Variants in CDC42 observed in about 807,000 individuals in gnomAD.
CDC42 encodes cell division cycle 42.
CDC42 carries 1 observed loss-of-function variant against 20.8 expected under a neutral mutation model. The observed-to-expected ratio is 0.05, with a 90% CI of 0.02 to 0.23. The LOEUF is 0.23. CDC42 is among the 10% of genes least tolerant of loss of function. The pLI, the probability that CDC42 is intolerant of heterozygous loss-of-function variation, is 1.00. For missense variants in CDC42, 49 were observed against 227.9 expected (o/e 0.21, Z 5.05); for synonymous variants, 72 against 84.8 (o/e 0.85, Z 0.83).
intron 1 of CDC42, among the ~76,000 whole-genome samples, chr1:22,065,615 T>C (rs1645414072): frequency 6.6e-6 from 1 of 152,222 alleles, no homozygotes; most frequent in Non-Finnish European, 1.5e-5. Flanking sequence ...ATACATTACC[T>C]CATTTCTCTG....
intron 1 of CDC42, among the ~76,000 whole-genome samples, chr1:22,067,536 G>C (rs1299272001): frequency 3.3e-5 from 5 of 152,090 alleles, no homozygotes; most frequent in Admixed American, 2.6e-4. Flanking sequence ...GTGGAGACAG[G>C]GTTTCACCAA....
At chr1:22,065,660 C>T (rs954482164) in intron 1 of CDC42, among the ~76,000 whole-genome samples, 3 of 151,024 alleles carry the variant, frequency 2.0e-5, no homozygotes, top group East Asian at 1.9e-4. Context: ...AATTTGTAGA[C>T]GAGAAAGTTA....
At chr1:22,086,407 T>A in intron 3 of CDC42, 32 bp from the exon 4 acceptor site, 2 of 1,459,186 alleles carry the variant, frequency 1.4e-6, no homozygotes, top group Non-Finnish European at 1.9e-6. Flanking sequence ...ATTCAGTTGC[T>A]GAATTCTCTC....
chr1:22,061,685 A>C (rs1443782699), intron 1 of CDC42, among the ~76,000 whole-genome samples: 1 of 148,830 alleles, frequency 6.7e-6, no homozygotes, highest in Non-Finnish European at 1.5e-5. Context: ...CTGGGATTAC[A>C]GGTGCCCGCC....
intron 3 of CDC42, among the ~76,000 whole-genome samples, chr1:22,084,335 G>GTTTTTTTTTTTTTTTTTTTT (rs61584354): frequency 1.2e-4 from 10 of 80,692 alleles, no homozygotes; most frequent in Admixed American, 1.6e-4. Flanking sequence ...CTTATTTCCT[G>GTTTTTTTTTTTTTTTTTTTT]TTTTTTTTTT....
At position 22,097,873 on chromosome 1, in the gene CDC42, C is replaced by T. The variant is rs968336422; in HGVS notation, c.*6356C>T. On this transcript the variant is annotated 3_prime_UTR_variant, in exon 6 of 6. Transcript: ENST00000656825. ...CCTGATTTTAATGCAGTGTCATAGT[C>T]TCATAGGTGATTTCCCCAAAAGCAA... 6.6e-6 allele frequency among the ~76,000 whole-genome samples: 1 copy of T among 152,220 alleles called. No homozygotes were observed. The highest frequency in any genetic ancestry group is 2.1e-4 in the South Asian group (1 of 4,830).
rs35437576 is a variant in CDC42, at chr1:22,055,867, G to GTTTTT, written c.-51+3140_-51+3144dup. On this transcript the variant is annotated intron_variant, in intron 1 of 5. Transcript: ENST00000656825. ...AAATGCACTTCTCTATTGTTTTAGA[G>GTTTTT]TTTTTTTTTTTTTTTTTTTGAGAGG... Among the ~76,000 whole-genome samples the GTTTTT allele has an allele frequency of 9.5e-5, 12 of 126,652 alleles. 1 individual carries two copies. Among genetic ancestry groups the GTTTTT allele is most frequent in the African/African-American group, 3.7e-4 (12 of 32,720 alleles). The allele number at this position is 126,652 out of a possible 152,430, so 83.1% of individuals were successfully genotyped here.
intron 1 of CDC42, 156 bp downstream of exon 1, chr1:22,052,898 G>A (rs1042814897): frequency 2.0e-5 from 3 of 152,248 alleles, no homozygotes; most frequent in Non-Finnish European, 2.9e-5. Context: ...CTCGCGCTGC[G>A]TCCTCCGGGC....
chr1:22,089,819 G>A (rs758080620), intron 5 of CDC42: 12 of 936,416 alleles, frequency 1.3e-5, no homozygotes, highest in South Asian at 8.4e-5. Context: ...GCATTCTAGC[G>A]TTTTTCTTAA....
intron 5 of CDC42, 82 bp downstream of exon 5, chr1:22,086,948 G>C (rs1194318192): frequency 8.9e-7 from 1 of 1,119,302 alleles, no homozygotes; most frequent in Non-Finnish European, 1.4e-6. Context: ...ATTTCTAACA[G>C]TGATCAGCAG....
Position 22,097,575 on chromosome 1 carries a change from T to C in CDC42, c.*6058T>C, listed in dbSNP as rs965892855. Reference sequence around the variant, plus strand: ...GTATTCTTAAGTCCGCCTTTCAAAGTTGAGTACTGCATTCTTGCGGCTCTA... The same window carrying C: ...GTATTCTTAAGTCCGCCTTTCAAAGCTGAGTACTGCATTCTTGCGGCTCTA... On this transcript the variant is annotated 3_prime_UTR_variant, in exon 6 of 6. Coordinates refer to ENST00000656825, the MANE Select transcript of CDC42 (RefSeq NM_001791.4). Among the ~76,000 whole-genome samples the C allele has an allele frequency of 2.0e-5, 3 of 152,238 alleles. No homozygotes were observed. Among genetic ancestry groups the C allele is most frequent in the African/African-American group, 4.8e-5 (2 of 41,464 alleles).
rs74059864 is a variant in CDC42, at chr1:22,091,786, T to C, written c.*269T>C. The C allele has an allele frequency of 0.021, 1,603 of 76,486 alleles. 41 individuals carry two copies. Among genetic ancestry groups the C allele is most frequent in the African/African-American group, 0.12 (1,490 of 12,324 alleles). 4.7% of individuals were successfully genotyped at this position (76,486 alleles called of 1,614,324 possible). ...TTGTTTCAAAAAAAAAATTTTTGTG[T>C]GTGTGTGTTTTTTTTTTTTTTTTTT... On this transcript the variant is annotated 3_prime_UTR_variant, in exon 6 of 6. Transcript: ENST00000656825.
rs1031498026 is a variant in CDC42 at position 22,098,255 on chromosome 1, A to G, written c.*6738A>G. Among the ~76,000 whole-genome samples the G allele has an allele frequency of 6.6e-6, 1 of 152,068 alleles. No homozygotes were observed. The highest frequency in any genetic ancestry group is 1.5e-5 in the Non-Finnish European group (1 of 68,028). On this transcript the variant is annotated 3_prime_UTR_variant, in exon 6 of 6. Transcript: ENST00000656825. ...TAGCTTCCACTTTTCTGGCCTCATTATCTGTAAAATTGCATACTTAGTTAT... is the reference window on the plus strand; with the variant it reads ...TAGCTTCCACTTTTCTGGCCTCATTGTCTGTAAAATTGCATACTTAGTTAT...
rs530606715 is a variant in CDC42 at position 22,071,583 on chromosome 1, CAGA to C, written c.-50-6843_-50-6841del. Among the ~76,000 whole-genome samples the C allele has an allele frequency of 9.9e-5, 15 of 152,260 alleles. 1 individual carries two copies. In the South Asian group the frequency reaches 3.1e-3, roughly 32 times the overall value. On this transcript the variant is annotated intron_variant, in intron 1 of 5. Coordinates refer to ENST00000656825, the MANE Select transcript of CDC42 (RefSeq NM_001791.4). ...TTAGATATGCTACTATAACTTACAGCAGAAGGTTATATAAGCTGCATTTTCCAA... is the reference window on the plus strand; with the variant it reads ...TTAGATATGCTACTATAACTTACAGCAGGTTATATAAGCTGCATTTTCCAA...
chr1:22,074,655 A>G (rs564134277), intron 1 of CDC42, among the ~76,000 whole-genome samples: 2 of 152,264 alleles, frequency 1.3e-5, no homozygotes, highest in South Asian at 4.1e-4. Context: ...CCTCAGCTCT[A>G]GTGATCTTCC....
At chr1:22,057,110 T>C (rs1645311617) in intron 1 of CDC42, among the ~76,000 whole-genome samples, 1 of 152,214 alleles carries the variant, frequency 6.6e-6, no homozygotes, top group Non-Finnish European at 1.5e-5. Flanking sequence ...GTATGTGCAG[T>C]CTAAGTAACG....
chr1:22,071,805 T>G (rs959404054), intron 1 of CDC42, among the ~76,000 whole-genome samples: 15 of 152,194 alleles, frequency 9.9e-5, no homozygotes, highest in African/African-American at 3.6e-4. Context: ...GTATTTCACA[T>G]GAAGGCAACT....
rs1214580982 is a variant in CDC42 at position 22,100,881 on chromosome 1, T to C, written c.*9364T>C. ...CCTCCTTTGTAAGGTTTGCACTAGT[T>C]TGATGGGAGAGGGATTTTTTTTGTC... On this transcript the variant is annotated 3_prime_UTR_variant, in exon 6 of 6. Coordinates refer to ENST00000656825, the MANE Select transcript of CDC42 (RefSeq NM_001791.4). The C allele has an allele frequency of 6.6e-6, 1 of 152,210 alleles. No homozygotes were observed. Among genetic ancestry groups the C allele is most frequent in the Non-Finnish European group, 1.5e-5 (1 of 68,042 alleles). 9.4% of individuals were successfully genotyped at this position (152,210 alleles called of 1,614,324 possible). A position where few individuals can be genotyped will look rare whatever the true frequency, so the allele number is the denominator to read the frequency against.
chr1:22,068,213 T>C (rs1645445375), intron 1 of CDC42: 1 of 152,436 alleles, frequency 6.6e-6, no homozygotes, highest in Non-Finnish European at 1.5e-5. Context: ...TTTCCAAAAT[T>C]ATACATCTCT....
Sources: gnomAD v4.1 joint callset for allele counts (sites outside exome capture counted in the v4.1 genomes callset) on GRCh38, gnomAD v4.1.1 for gene constraint, MANE v1.5 for transcripts, NCBI Gene and HGNC (gene_info 2026-07-23, HGNC 2026-07-21) for gene names.